The following ZNHIT6 variants were observed in gnomAD, a reference collection of about 807,000 sequenced individuals.
The protein encoded by ZNHIT6 is zinc finger HIT-type containing 6.
A neutral mutation model predicts 57.2 loss-of-function variants in ZNHIT6; 45 were observed. The ratio of observed to expected loss-of-function variants is 0.79; its 90% CI spans 0.62 to 1.01. The LOEUF (loss-of-function observed/expected upper bound fraction) is 1.01. Among genes scored for constraint, ZNHIT6 ranks in the 50% least tolerant of loss-of-function variants. The pLI is 0.00. For synonymous variants in ZNHIT6, 188 were observed against 190.0 expected (o/e 0.99, Z 0.09); for missense variants, 528 against 567.3 (o/e 0.93, Z 0.70).
At chr1:85,691,404 T>G (rs995808091) in intron 5 of ZNHIT6, among the ~76,000 whole-genome samples, 1 of 152,182 alleles carries the variant, frequency 6.6e-6, no homozygotes, top group African/African-American at 2.4e-5. Flanking sequence ...GAGAGGGGGA[T>G]AAGAAGGAGT....
At chr1:85,699,498 C>A (rs1401033756) in intron 5 of ZNHIT6, among the ~76,000 whole-genome samples, 1 of 151,996 alleles carries the variant, frequency 6.6e-6, no homozygotes, top group African/African-American at 2.4e-5. Context: ...AATGTCTTAA[C>A]AAGAAATTAA....
chr1:85,706,551 GTATT>G (rs753441094), intron 1 of ZNHIT6, 44 bp from the exon 2 acceptor site: 5 of 1,440,960 alleles, frequency 3.5e-6, no homozygotes, highest in Non-Finnish European at 3.7e-6. Context: ...AATATTAATT[GTATT>G]TATTTATAAA....
intron 5 of ZNHIT6, among the ~76,000 whole-genome samples, chr1:85,685,967 TC>T (rs1178764038): frequency 6.6e-6 from 1 of 151,618 alleles, no homozygotes; most frequent in Non-Finnish European, 1.5e-5. Flanking sequence ...TTTTTTTTTT[TC>T]TTTTTTTTCT....
At position 85,697,874 on chromosome 1, in the gene ZNHIT6, T is replaced by A. The variant is rs768841825; in HGVS notation, c.1019+4283A>T. The stretch of plus-strand genomic sequence containing the variant: ...TTTAAGTCATTCAGGAGAATTTACA[T>A]TTTCTTCATATAGGTCTTTCATATT... On this transcript the variant is annotated intron_variant, in intron 5 of 9. Transcript: ENST00000370574. Among the ~76,000 whole-genome samples, 10 of 152,320 alleles carry A rather than the reference T, an allele frequency of 6.6e-5. No individual in the cohort carries two copies. The East Asian group carries it at 1.2e-3, about 18-fold the overall frequency.
At chr1:85,672,830 C>G (rs1661598205) in intron 8 of ZNHIT6, among the ~76,000 whole-genome samples, 1 of 147,742 alleles carries the variant, frequency 6.8e-6, no homozygotes, top group African/African-American at 2.5e-5. Flanking sequence ...TTACAAGTAT[C>G]AAAGCAGCAA....
chr1:85,673,881 G>A (rs13374014), intron 8 of ZNHIT6, among the ~76,000 whole-genome samples: 23 of 152,168 alleles, frequency 1.5e-4, no homozygotes, highest in African/African-American at 4.6e-4. Context: ...AAAAATCTAC[G>A]CCTAAATATA....
At chr1:85,654,835 G>A (rs1157135469) in intron 9 of ZNHIT6, among the ~76,000 whole-genome samples, 1 of 152,166 alleles carries the variant, frequency 6.6e-6, no homozygotes. Context: ...AAATTGTCAT[G>A]CTAAAATATA....
chr1:85,667,629 A>T (rs1419336122), intron 8 of ZNHIT6, among the ~76,000 whole-genome samples: 1 of 636 alleles, frequency 1.6e-3, no homozygotes, highest in African/African-American at 2.5e-3. Flanking sequence ...ATCATCCATT[A>T]AAAAAAAAAA....
chr1:85,686,352 T>C (rs955695865), intron 5 of ZNHIT6, among the ~76,000 whole-genome samples: 5 of 152,140 alleles, frequency 3.3e-5, no homozygotes, highest in Non-Finnish European at 7.4e-5. Flanking sequence ...AAAATATATA[T>C]TTCTCTTTTT....
chr1:85,692,606 T>C (rs1360819295), intron 5 of ZNHIT6, among the ~76,000 whole-genome samples: 3 of 152,102 alleles, frequency 2.0e-5, no homozygotes, highest in African/African-American at 7.2e-5. Flanking sequence ...TCCACTTGTC[T>C]CCTCATGACC....
rs992198455 is a variant in ZNHIT6 at position 85,659,872 on chromosome 1, A to G, written c.1248-1901T>C. ...CCCTGACCACACACCCCAGCCTGGA[A>G]TTATTCTTTTTAAAATTGCAGAATA... On this transcript the variant is annotated intron_variant, in intron 8 of 9. Coordinates refer to ENST00000370574, the MANE Select transcript of ZNHIT6 (RefSeq NM_017953.4). 2.6e-5 allele frequency among the ~76,000 whole-genome samples: 4 copies of G among 152,252 alleles called. No individual in the cohort carries two copies. In the East Asian group the frequency reaches 7.7e-4, roughly 29 times the overall value.
intron 5 of ZNHIT6, among the ~76,000 whole-genome samples, chr1:85,693,097 G>A (rs1383780350): frequency 6.6e-6 from 1 of 152,160 alleles, no homozygotes; most frequent in Non-Finnish European, 1.5e-5. Context: ...AGCTGTTAGT[G>A]GTAGAAGAAT....
intron 4 of ZNHIT6, among the ~76,000 whole-genome samples, chr1:85,703,893 T>A (rs960745932): frequency 6.6e-6 from 1 of 152,102 alleles, no homozygotes; most frequent in Non-Finnish European, 1.5e-5. Context: ...TGCACTAGCA[T>A]CCAAGAAATA....
At chr1:85,696,472 A>G (rs545960415) in intron 5 of ZNHIT6, among the ~76,000 whole-genome samples, 154 of 152,116 alleles carry the variant, frequency 1.0e-3, no homozygotes, top group Non-Finnish European at 1.9e-3. Context: ...AGGTGCCATC[A>G]TTTACTTAAC....
intron 8 of ZNHIT6, among the ~76,000 whole-genome samples, chr1:85,667,033 T>A (rs1409390139): frequency 6.6e-6 from 1 of 152,188 alleles, no homozygotes. Flanking sequence ...CAAAAAGGTA[T>A]AACAAAGAAC....
chr1:85,656,317 T>C (rs927220253), intron 9 of ZNHIT6, among the ~76,000 whole-genome samples: 2 of 152,204 alleles, frequency 1.3e-5, no homozygotes, highest in African/African-American at 4.8e-5. Flanking sequence ...ACTAAAAGCA[T>C]GAGTCATTTG....
intron 8 of ZNHIT6, among the ~76,000 whole-genome samples, chr1:85,664,554 T>G (rs2100654600): frequency 6.6e-6 from 1 of 152,290 alleles, no homozygotes; most frequent in East Asian, 1.9e-4. Flanking sequence ...AAATGCCACA[T>G]GTTCTCACTT....
chr1:85,654,763 G>C (rs1337397935), intron 9 of ZNHIT6, among the ~76,000 whole-genome samples: 2 of 152,168 alleles, frequency 1.3e-5, no homozygotes, highest in African/African-American at 4.8e-5. Context: ...GGGAACCGGA[G>C]TAAGTGTTCT....
rs2100635804 is a variant in ZNHIT6 at position 85,650,637 on chromosome 1, C to G, written c.*3421G>C. 1 of 152,194 alleles carries G rather than the reference C, an allele frequency of 6.6e-6. No homozygotes were observed. The highest frequency in any genetic ancestry group is 2.1e-4 in the South Asian group (1 of 4,812). The allele number at this position is 152,194 out of a possible 1,614,324, so 9.4% of individuals were successfully genotyped here. ...TCATGATTCTGGTGGCTGGAAGGCT[C>G]AAGATTGGGCAGCTGTATCTGGTGA... is the stretch of plus-strand genomic sequence containing the variant. On this transcript the variant is annotated 3_prime_UTR_variant, in exon 10 of 10. Coordinates refer to ENST00000370574, the MANE Select transcript of ZNHIT6 (RefSeq NM_017953.4).
Sources: gnomAD v4.1 joint callset for allele counts (sites outside exome capture counted in the v4.1 genomes callset) on GRCh38, gnomAD v4.1.1 for gene constraint, MANE v1.5 for transcripts, NCBI Gene and HGNC (gene_info 2026-07-23, HGNC 2026-07-21) for gene names.